Variants in RFLNA observed in about 807,000 individuals in gnomAD.
RFLNA encodes refilin A, also known as refilin-A.
RFLNA carries 5 observed loss-of-function variants against 7.8 expected under a neutral mutation model. The ratio of observed to expected loss-of-function variants is 0.64; its 90% CI spans 0.34 to 1.35. The LOEUF (loss-of-function observed/expected upper bound fraction) is 1.35, where lower values mean the gene tolerates loss of function less well. Among genes scored for constraint, RFLNA ranks in the 40% most tolerant of loss-of-function variants. RFLNA has a pLI of 0.04. For synonymous variants in RFLNA, 141 were observed against 131.3 expected (o/e 1.07, Z -0.50); for missense variants, 278 against 305.5 (o/e 0.91, Z 0.67).
At chr12:124,295,966 G>A (rs2033901091) in intron 1 of RFLNA, among the ~76,000 whole-genome samples, 1 of 151,636 alleles carries the variant, frequency 6.6e-6, no homozygotes, top group African/African-American at 2.4e-5. Context: ...CTGTTGGCTA[G>A]GTGGGCTTGC....
intron 2 of RFLNA, 34 bp downstream of exon 2, chr12:124,311,961 G>T: frequency 6.6e-7 from 1 of 1,515,208 alleles, no homozygotes. Context: ...GCGGGAGGAG[G>T]GGGTGGGGGG....
At chr12:124,302,285 C>T (rs1004114415) in intron 1 of RFLNA, among the ~76,000 whole-genome samples, 1 of 152,178 alleles carries the variant, frequency 6.6e-6, no homozygotes, top group African/African-American at 2.4e-5. Context: ...CTTGGGTGCA[C>T]CAGGCCTGCC....
chr12:124,300,310 T>C (rs1180801583), intron 1 of RFLNA, among the ~76,000 whole-genome samples: 1 of 152,120 alleles, frequency 6.6e-6, no homozygotes, highest in Non-Finnish European at 1.5e-5. Flanking sequence ...TTCTGAAGAG[T>C]GTACGTGAGA....
chr12:124,301,050 C>T (rs1433968974), intron 1 of RFLNA, among the ~76,000 whole-genome samples: 4 of 152,194 alleles, frequency 2.6e-5, no homozygotes, highest in Admixed American at 2.6e-4. Context: ...TCCCCATGGC[C>T]CCCTGGCAGG....
At chr12:124,312,345 G>A (rs1056006574) in intron 2 of RFLNA, among the ~76,000 whole-genome samples, 8 of 146,296 alleles carry the variant, frequency 5.5e-5, no homozygotes, top group African/African-American at 1.5e-4. Context: ...GGATCTCACT[G>A]TGTCACCCAG....
chr12:124,302,629 G>A (rs2034057948), intron 1 of RFLNA, among the ~76,000 whole-genome samples: 1 of 152,198 alleles, frequency 6.6e-6, no homozygotes, highest in African/African-American at 2.4e-5. Flanking sequence ...GTGCTTAAAT[G>A]CCCCTCCTTG....
In RFLNA at chr12:124,295,565, G is replaced by C; in HGVS notation, c.136G>C (p.Gly46Arg). Reference protein sequence around the residue: ...PSPPFYSLAPGILDARAGGAG... With the variant: ...PSPPFYSLAPRILDARAGGAG... ...CCCGCCCTTCTACTCCCTGGCGCCC[G>C]GCATCCTCGACGCGCGCGCGGGGGG... Residue 46 changes from glycine to arginine, a missense_variant, in exon 1 of 3, where the codon GGC (glycine) becomes CGC (arginine). Physicochemically the swap from Gly to Arg is moderately radical, Grantham distance 125 (BLOSUM62 -2). Transcript: ENST00000546355. 3 of 857,450 alleles carry C rather than the reference G, an allele frequency of 3.5e-6. No individual in the cohort carries two copies. The highest frequency in any genetic ancestry group is 4.2e-6 in the Non-Finnish European group (3 of 707,552). The allele number at this position is 857,450 out of a possible 1,614,324, so 53.1% of individuals were successfully genotyped here.
upstream of RFLNA, among the ~76,000 whole-genome samples, chr12:124,293,585 G>A (rs571797771): frequency 1.3e-5 from 2 of 152,252 alleles, no homozygotes; most frequent in East Asian, 1.9e-4. Flanking sequence ...AATGGAATCC[G>A]TAGTCCCATT....
Position 124,313,494 on chromosome 12 carries a change from C to T in RFLNA, c.318-698C>T, listed in dbSNP as rs201294524. On this transcript the variant is annotated intron_variant, in intron 2 of 2. Transcript: ENST00000546355. ...GAGATCGAGACCATCCTGGCTAACA[C>T]GGTGAAACTCCGTCTCTACTAAAAA... Among the ~76,000 whole-genome samples, 26 of 152,226 alleles carry T rather than the reference C, an allele frequency of 1.7e-4. No individual in the cohort carries two copies. The East Asian group carries it at 4.4e-3, about 26-fold the overall frequency.
At chr12:124,307,658 C>G (rs982410013) in intron 1 of RFLNA, among the ~76,000 whole-genome samples, 2 of 152,198 alleles carry the variant, frequency 1.3e-5, no homozygotes, top group Non-Finnish European at 2.9e-5. Context: ...AGCCCCGGTG[C>G]CTTCACGGAG....
At chr12:124,303,036 C>T (rs553375344) in intron 1 of RFLNA, among the ~76,000 whole-genome samples, 1 of 152,288 alleles carries the variant, frequency 6.6e-6, no homozygotes, top group East Asian at 1.9e-4. Context: ...ACTGATGGGC[C>T]GCTAGTTGGC....
In RFLNA at chr12:124,296,139, T is replaced by TTCTTCTCTTCTCTTCTCTTCTCTTC. The variant is rs1263671980; in HGVS notation, c.207+525_207+549dup. Among the ~76,000 whole-genome samples the TTCTTCTCTTCTCTTCTCTTCTCTTC allele has an allele frequency of 1.4e-3, 2 of 1,466 alleles. 1 individual carries two copies. The highest frequency in any genetic ancestry group is 1.6e-3 in the African/African-American group (2 of 1,248). The allele number at this position is 1,466 out of a possible 152,430, so 1.0% of individuals were successfully genotyped here. A position where few individuals can be genotyped will look rare whatever the true frequency, so the allele number is the denominator to read the frequency against. On this transcript the variant is annotated intron_variant, in intron 1 of 2. Transcript: ENST00000546355. ...TTCTTTCTTTCTCTCTCTCTCTCTC[T>TTCTTCTCTTCTCTTCTCTTCTCTTC]TCTTCTCTTCTCTTCTCTTCTCTTC...
chr12:124,314,851 T>C lies in RFLNA; in HGVS notation c.*326T>C. ...AAAGAATGGGTCCATGGAGTGCCCT[T>C]GAAGCAGAGAACAGCCCCGAGCAGT... On this transcript the variant is annotated 3_prime_UTR_variant, in exon 3 of 3. Transcript: ENST00000546355. 2.0e-6 allele frequency: 1 copy of C among 499,660 alleles called. No homozygotes were observed. Among genetic ancestry groups the C allele is most frequent in the South Asian group, 1.7e-5 (1 of 58,696 alleles). 31.0% of individuals were successfully genotyped at this position (499,660 alleles called of 1,614,324 possible).
At position 124,314,208 on chromosome 12, in the gene RFLNA, A is replaced by G. The variant is rs201083008; in HGVS notation, c.334A>G (p.Lys112Glu). 64 of 1,612,216 alleles carry G rather than the reference A, an allele frequency of 4.0e-5. No homozygotes were observed. The highest frequency in any genetic ancestry group is 5.0e-5 in the Non-Finnish European group (59 of 1,179,096). ...THEIRCNSEV[K>E]YASEKHFQDK... ...CCTTTCCAGCTGCAACTCTGAGGTC[A>G]AGTACGCCTCGGAGAAGCATTTCCA... The change falls in exon 3 of 3, where the codon AAG becomes GAG. Residue 112 changes from lysine (K) to glutamate (E), a missense_variant. Lys to Glu is a moderately conservative substitution (Grantham distance 56). Transcript: ENST00000546355.
At chr12:124,292,657 G>A (rs1306326983), upstream of RFLNA, among the ~76,000 whole-genome samples, 1 of 152,170 alleles carries the variant, frequency 6.6e-6, no homozygotes, top group African/African-American at 2.4e-5. Context: ...CCTGCTGTCT[G>A]GTGTGCACAT....
At chr12:124,300,769 T>C (rs1430950378) in intron 1 of RFLNA, among the ~76,000 whole-genome samples, 104 of 114,570 alleles carry the variant, frequency 9.1e-4, no homozygotes, top group Middle Eastern at 5.0e-3. Context: ...GATGGATGGA[T>C]GGATTGACGG....
chr12:124,304,735 G>GC (rs1259301022), intron 1 of RFLNA, among the ~76,000 whole-genome samples: 3 of 152,332 alleles, frequency 2.0e-5, no homozygotes, highest in East Asian at 1.9e-4. Context: ...TCTCCCTCCA[G>GC]CCCTTCCACT....
chr12:124,306,401 G>A lies in RFLNA; in HGVS notation c.208-5417G>A, dbSNP rs187612595. Among the ~76,000 whole-genome samples the A allele has an allele frequency of 2.0e-5, 3 of 152,246 alleles. No homozygotes were observed. The highest frequency in any genetic ancestry group is 2.9e-5 in the Non-Finnish European group (2 of 68,000). On this transcript the variant is annotated intron_variant, in intron 1 of 2. Coordinates refer to ENST00000546355, the MANE Select transcript of RFLNA (RefSeq NM_001365156.1). The surrounding 1 kb of genome is among the most constrained non-coding windows in gnomAD (Gnocchi z 5.2). Reference sequence around the variant, plus strand: ...ACAGCGGGAACACCGAGGCAGCCTCGGGTCACAGACAAGGGGCCGAGACAG... The same window carrying A: ...ACAGCGGGAACACCGAGGCAGCCTCAGGTCACAGACAAGGGGCCGAGACAG...
At position 124,315,957 on chromosome 12, in the gene RFLNA, G is replaced by A. The variant is rs2034343080; in HGVS notation, c.*1432G>A. ...GAGAGTGCATTTTCTCTCCAGAGAT[G>A]CTGTCTGGTTAACAAAGGAATAACT... On this transcript the variant is annotated 3_prime_UTR_variant, in exon 3 of 3. Transcript: ENST00000546355. 1 of 152,244 alleles carries A rather than the reference G, an allele frequency of 6.6e-6. No homozygotes were observed. The highest frequency in any genetic ancestry group is 1.5e-5 in the Non-Finnish European group (1 of 68,040). 9.4% of individuals were successfully genotyped at this position (152,244 alleles called of 1,614,324 possible).
Sources: allele counts gnomAD v4.1 joint callset (sites outside exome capture counted in the v4.1 genomes callset), GRCh38; gene constraint gnomAD v4.1.1; non-coding constraint Gnocchi (gnomAD v3.1); transcripts MANE v1.5; gene names NCBI Gene and HGNC (gene_info 2026-07-23, HGNC 2026-07-21).